DNAJC13: variants seen among roughly 807,000 people sequenced by gnomAD.
The protein encoded by DNAJC13 is DnaJ heat shock protein family (Hsp40) member C13, also known as dnaJ homolog subfamily C member 13.
In DNAJC13, 75 loss-of-function variants were observed where a neutral mutation model predicts 290.5. The observed-to-expected ratio is 0.26, with a 90% CI of 0.21 to 0.31. The LOEUF is 0.31. Ranked by LOEUF, DNAJC13 falls within the 10% of genes least tolerant of loss-of-function variation. The pLI is 1.00. For synonymous variants in DNAJC13, 862 were observed against 892.0 expected, an observed-to-expected ratio of 0.97 and a Z score of 0.60; for missense variants, 2,260 against 2,674.5, an observed-to-expected ratio of 0.85 and a Z score of 3.42.
rs528367049 is a variant in DNAJC13, at chr3:132,420,419, G to A, written c.-14+2659G>A. Among the ~76,000 whole-genome samples the A allele has an allele frequency of 2.2e-4, 34 of 152,292 alleles. No homozygotes were observed. The South Asian group carries it at 6.9e-3, about 31-fold the overall frequency. ...GATGAGAAGTGGGAGAGAATCTTAT[G>A]CCTGGAGGAGGGGCCCTGAGCCCAA... On this transcript the variant is annotated intron_variant, in intron 1 of 55. Coordinates refer to ENST00000260818, the MANE Select transcript of DNAJC13 (RefSeq NM_015268.4).
At chr3:132,422,448 G>A (rs1289121194) in intron 1 of DNAJC13, among the ~76,000 whole-genome samples, 1 of 152,166 alleles carries the variant, frequency 6.6e-6, no homozygotes, top group Non-Finnish European at 1.5e-5. Context: ...CCCAGTCATA[G>A]TGCCTCAGAT....
chr3:132,421,456 GA>G (rs905825454), intron 1 of DNAJC13, among the ~76,000 whole-genome samples: 3 of 152,064 alleles, frequency 2.0e-5, no homozygotes, highest in Non-Finnish European at 4.4e-5. Context: ...GAATCATTTT[GA>G]GATTTTTTTT....
At chr3:132,484,515 A>C in intron 28 of DNAJC13, 73 bp from the exon 29 acceptor site, 1 of 1,376,054 alleles carries the variant, frequency 7.3e-7, no homozygotes, top group Non-Finnish European at 1.0e-6. Flanking sequence ...CATGCCTAGT[A>C]GAATGTCGTA....
At chr3:132,502,988 G>C (rs919170728) in intron 40 of DNAJC13, among the ~76,000 whole-genome samples, 2 of 152,142 alleles carry the variant, frequency 1.3e-5, no homozygotes, top group Non-Finnish European at 2.9e-5. Context: ...ACTGCATTGG[G>C]TATAAGTTAG....
Position 132,484,619 on chromosome 3 carries a change from C to T in DNAJC13, c.3214C>T (p.Pro1072Ser), listed in dbSNP as rs1207642404. 7 of 1,614,092 alleles carry T rather than the reference C, an allele frequency of 4.3e-6. No individual in the cohort carries two copies. Among genetic ancestry groups the T allele is most frequent in the Non-Finnish European group, 5.9e-6 (7 of 1,179,994 alleles). Reference sequence around the variant, plus strand: ...AGACAATGCCATCATTCGGCCTCTACCCAAAGTGAAAAGACTGCTGTCAGA... The same window carrying T: ...AGACAATGCCATCATTCGGCCTCTATCCAAAGTGAAAAGACTGCTGTCAGA... ...DQDNAIIRPL[P>S]KVKRLLSDST... Residue 1072 changes from proline (P) to serine (S), a missense_variant, in exon 29 of 56, where the codon CCC becomes TCC. Pro to Ser is a moderately conservative substitution (Grantham distance 74, BLOSUM62 -1). Around this residue, in one of 3 missense-constraint regions of DNAJC13, gnomAD observed 1,494 missense variants for 1,693.7 expected, o/e 0.88. Coordinates refer to ENST00000260818, the MANE Select transcript of DNAJC13 (RefSeq NM_015268.4).
intron 21 of DNAJC13, among the ~76,000 whole-genome samples, 156 bp from the exon 22 acceptor site, chr3:132,474,776 A>C: frequency 6.9e-6 from 1 of 145,478 alleles, no homozygotes; most frequent in Admixed American, 6.9e-5. Flanking sequence ...TCCTTTACAC[A>C]GATTTTATTT....
chr3:132,531,914 G>A (rs1199827743), intron 55 of DNAJC13, among the ~76,000 whole-genome samples: 1 of 152,148 alleles, frequency 6.6e-6, no homozygotes, highest in Non-Finnish European at 1.5e-5. Context: ...ATGAAAGGAT[G>A]TTTTACTGCT....
intron 1 of DNAJC13, among the ~76,000 whole-genome samples, chr3:132,422,093 C>T (rs944106779): frequency 6.6e-6 from 1 of 151,602 alleles, no homozygotes; most frequent in Non-Finnish European, 1.5e-5. Flanking sequence ...TGCAGTGACA[C>T]GATCATAGCT....
At chr3:132,425,393 C>T (rs918270007) in intron 1 of DNAJC13, among the ~76,000 whole-genome samples, 3 of 152,138 alleles carry the variant, frequency 2.0e-5, no homozygotes, top group Non-Finnish European at 2.9e-5. Context: ...ATATTGTAAA[C>T]ATTTTCACCT....
chr3:132,439,537 G>A (rs1369445023), intron 2 of DNAJC13, among the ~76,000 whole-genome samples: 1 of 150,692 alleles, frequency 6.6e-6, no homozygotes, highest in African/African-American at 2.4e-5. Context: ...AATTTTTTGT[G>A]ACTATCATCA....
At chr3:132,521,629 T>C (rs989315629) in intron 48 of DNAJC13, among the ~76,000 whole-genome samples, 4 of 152,190 alleles carry the variant, frequency 2.6e-5, no homozygotes, top group Admixed American at 6.5e-5. Flanking sequence ...GGGGCAGATA[T>C]ACCACAGTGA....
At chr3:132,517,912 T>G (rs1011348143) in intron 48 of DNAJC13, among the ~76,000 whole-genome samples, 2 of 152,248 alleles carry the variant, frequency 1.3e-5, no homozygotes, top group African/African-American at 2.4e-5. Flanking sequence ...GTTAATAGTC[T>G]TCTGCAGGGT....
chr3:132,493,222 TG>T (rs1238130763), intron 33 of DNAJC13, among the ~76,000 whole-genome samples: 5 of 151,998 alleles, frequency 3.3e-5, no homozygotes, highest in African/African-American at 9.7e-5. Context: ...AGAGTGCCCT[TG>T]GGACCCCCCT....
chr3:132,533,424 C>T (rs1936489190), intron 55 of DNAJC13, among the ~76,000 whole-genome samples: 1 of 149,808 alleles, frequency 6.7e-6, no homozygotes, highest in Non-Finnish European at 1.5e-5. Flanking sequence ...CAACCTTTGC[C>T]TCCCGGGTTC....
intron 6 of DNAJC13, 145 bp downstream of exon 6, chr3:132,450,992 C>A: frequency 1.9e-6 from 1 of 517,212 alleles, no homozygotes; most frequent in Non-Finnish European, 3.4e-6. Context: ...ATCAAAGATA[C>A]CTGAGCTTGA....
At chr3:132,440,886 C>T (rs1933042677) in intron 2 of DNAJC13, among the ~76,000 whole-genome samples, 1 of 152,194 alleles carries the variant, frequency 6.6e-6, no homozygotes, top group Admixed American at 6.5e-5. Context: ...AGTGAGTAGT[C>T]CAGGCAATGT....
rs199737997 is a variant in DNAJC13, at chr3:132,446,548, C to A, written c.142C>A (p.Gln48Lys). ...YNPNTLEVTN[Q>K]WPYGDICSIS... is the part of the protein sequence containing the mutation. ...TCCCAATACCTTAGAAGTAACAAAT[C>A]AGGTAATCCTGTTAGAAGCTGTTAG... The change falls in exon 3 of 56, where the codon CAG becomes AAG. Residue 48 changes from glutamine (Q) to lysine (K), a missense_variant and splice_region_variant. Physicochemically the swap from Gln to Lys is moderately conservative, Grantham distance 53. This residue lies in a region of DNAJC13 where 762 missense variants were observed against 964.1 expected (regional missense o/e 0.79). Transcript: ENST00000260818. The A allele has an allele frequency of 3.1e-6, 5 of 1,595,984 alleles. No homozygotes were observed. In the African/African-American group the frequency reaches 5.4e-5, roughly 17 times the overall value.
intron 35 of DNAJC13, 120 bp from the exon 36 acceptor site, chr3:132,496,408 C>T: frequency 2.0e-6 from 2 of 978,256 alleles, no homozygotes; most frequent in Non-Finnish European, 1.4e-6. Flanking sequence ...GAATGAATAC[C>T]TTAATATAAA....
chr3:132,453,979 T>C, intron 8 of DNAJC13, 87 bp from the exon 9 acceptor site: 1 of 1,044,172 alleles, frequency 9.6e-7, no homozygotes, highest in Non-Finnish European at 1.4e-6. Context: ...ATACTGACTT[T>C]TGTAAGCTAA....
Sources: gnomAD v4.1 joint callset for allele counts (sites outside exome capture counted in the v4.1 genomes callset) on GRCh38, gnomAD v4.1.1 for gene constraint, gnomAD v4.1.1 regional missense constraint, MANE v1.5 for transcripts, NCBI Gene and HGNC (gene_info 2026-07-23, HGNC 2026-07-21) for gene names.